Variants in ZDHHC11 observed in about 807,000 individuals in gnomAD.
ZDHHC11 encodes zDHHC palmitoyltransferase 11.
Under a neutral mutation model 51.3 loss-of-function variants are expected in ZDHHC11, and 44 were observed. That is an observed-to-expected ratio of 0.86 (90% CI 0.67 to 1.10). ZDHHC11 has a LOEUF of 1.10. Ranked by LOEUF, ZDHHC11 falls within the 50% of genes least tolerant of loss-of-function variation. The probability of loss-of-function intolerance (pLI) is 0.00; values close to 1 mark genes in which losing one functional copy is unlikely to be tolerated. For missense variants in ZDHHC11, 400 were observed against 537.7 expected (o/e 0.74, Z 2.53); for synonymous variants, 163 against 222.0 (o/e 0.73, Z 2.36).
upstream of ZDHHC11, among the ~76,000 whole-genome samples, chr5:854,155 GGGC>G: frequency 6.7e-6 from 1 of 149,800 alleles, no homozygotes; most frequent in South Asian, 2.1e-4. Context: ...GCGAGCCGGG[GGGC>G]ACAGACCACA....
intron 11 of ZDHHC11, among the ~76,000 whole-genome samples, chr5:812,977 C>G (rs1358265804): frequency 7.1e-6 from 1 of 141,640 alleles, no homozygotes; most frequent in Non-Finnish European, 1.5e-5. Flanking sequence ...CAAACTGATA[C>G]AATTAGCATG....
Position 814,953 on chromosome 5 carries a change from C to A in ZDHHC11, c.1147-158G>T, listed in dbSNP as rs141127015. Among the ~76,000 whole-genome samples the A allele has an allele frequency of 3.4e-3, 518 of 151,248 alleles. 19 individuals are homozygous for A. The highest frequency in any genetic ancestry group is 0.011 in the African/African-American group (458 of 41,322). ...TAGGATCTCAGTGGTGACACAGCAC[C>A]CTTCCTCCCAATCCTTGTATTATGG... On this transcript the variant is annotated intron_variant, in intron 10 of 12. Coordinates refer to ENST00000283441, the MANE Select transcript of ZDHHC11 (RefSeq NM_024786.3).
intron 7 of ZDHHC11, among the ~76,000 whole-genome samples, chr5:830,622 G>GA (rs779220270): frequency 6.3e-5 from 6 of 95,266 alleles, no homozygotes; most frequent in Admixed American, 1.1e-4. Flanking sequence ...CACAGAACTA[G>GA]AAAAAACAAT....
chr5:850,219 G>T, intron 1 of ZDHHC11, 162 bp downstream of exon 1: 1 of 768,514 alleles, frequency 1.3e-6, no homozygotes, highest in Non-Finnish European at 2.1e-6. Context: ...CACAGAGCAT[G>T]AGTGGCCACT....
At chr5:827,334 T>C (rs1290489324) in intron 7 of ZDHHC11, among the ~76,000 whole-genome samples, 1 of 149,948 alleles carries the variant, frequency 6.7e-6, no homozygotes, top group African/African-American at 2.5e-5. Context: ...AAAACCAAGG[T>C]ATTCAGGCAA....
intron 10 of ZDHHC11, among the ~76,000 whole-genome samples, chr5:818,208 T>C (rs1186771480): frequency 6.6e-6 from 1 of 150,948 alleles, no homozygotes; most frequent in South Asian, 2.1e-4. Flanking sequence ...GGACTCACAA[T>C]TGCACCCCGG....
chr5:800,807 TTC>T (rs1238565813), intron 12 of ZDHHC11, among the ~76,000 whole-genome samples: 1 of 151,376 alleles, frequency 6.6e-6, no homozygotes, highest in African/African-American at 2.4e-5. Context: ...GTGAAAATAA[TTC>T]TTAGTTTAGA....
rs1029196784 is a variant in ZDHHC11, at chr5:814,886, A to T, written c.1147-91T>A. The stretch of plus-strand genomic sequence containing the variant: ...TTAAAATTCAAGTTCATTACTAGTC[A>T]GTTCTGAGTAATGGTACTTCAAGAA... On this transcript the variant is annotated intron_variant, in intron 10 of 12. Coordinates refer to ENST00000283441, the MANE Select transcript of ZDHHC11 (RefSeq NM_024786.3). The T allele has an allele frequency of 1.5e-5, 19 of 1,268,968 alleles. No individual in the cohort carries two copies. The African/African-American group carries it at 2.5e-4, about 17-fold the overall frequency. 78.6% of individuals were successfully genotyped at this position (1,268,968 alleles called of 1,614,324 possible). A position where few individuals can be genotyped will look rare whatever the true frequency, so the allele number is the denominator to read the frequency against.
intron 11 of ZDHHC11, among the ~76,000 whole-genome samples, chr5:802,215 C>T (rs1579525997): frequency 6.6e-6 from 1 of 151,044 alleles, no homozygotes; most frequent in East Asian, 1.9e-4. Flanking sequence ...CCATAGGCAA[C>T]AATGGGAGTG....
intron 10 of ZDHHC11, among the ~76,000 whole-genome samples, chr5:815,172 A>G (rs1282764682): frequency 1.3e-5 from 2 of 151,538 alleles, no homozygotes; most frequent in African/African-American, 4.8e-5. Context: ...AAACTGAGGG[A>G]AGACTGGGAG....
chr5:796,921 T>C (rs1358133324), intron 12 of ZDHHC11, among the ~76,000 whole-genome samples: 1 of 152,212 alleles, frequency 6.6e-6, no homozygotes, highest in African/African-American at 2.4e-5. Flanking sequence ...AAAAATATTT[T>C]CTTTGGCCAG....
At position 816,272 on chromosome 5, in the gene ZDHHC11, GATCT is replaced by G. The variant is rs570822459; in HGVS notation, c.1147-1481_1147-1478del. 6.4e-4 allele frequency: 158 copies of G among 246,362 alleles called. 2 individuals carry two copies. Among genetic ancestry groups the G allele is most frequent in the African/African-American group, 3.4e-3 (150 of 44,506 alleles). 15.3% of individuals were successfully genotyped at this position (246,362 alleles called of 1,614,324 possible). A position where few individuals can be genotyped will look rare whatever the true frequency, so the allele number is the denominator to read the frequency against. On this transcript the variant is annotated intron_variant, in intron 10 of 12. Transcript: ENST00000283441. The stretch of plus-strand genomic sequence containing the variant: ...CTTTTTTCGGAAATAATGTTTTTGG[GATCT>G]ATCAAAGAAGACATTGCTTAACAGA...
At chr5:844,855 T>A (rs1745866940) in intron 3 of ZDHHC11, among the ~76,000 whole-genome samples, 1 of 152,422 alleles carries the variant, frequency 6.6e-6, no homozygotes. Context: ...ATGCAGAGAA[T>A]AATCCATCCA....
upstream of ZDHHC11, among the ~76,000 whole-genome samples, chr5:851,848 G>A (rs1342957660): frequency 6.6e-6 from 1 of 152,212 alleles, no homozygotes; most frequent in African/African-American, 2.4e-5. Context: ...CTGAGGTCAG[G>A]AGTTCCAGAC....
At chr5:819,332 C>G (rs1337076316) in intron 10 of ZDHHC11, among the ~76,000 whole-genome samples, 193 bp downstream of exon 10, 1 of 151,572 alleles carries the variant, frequency 6.6e-6, no homozygotes, top group African/African-American at 2.4e-5. Flanking sequence ...TCACCCACAG[C>G]TGGGAAGCAT....
intron 8 of ZDHHC11, chr5:823,539 T>G (rs1190047127): frequency 1.3e-5 from 2 of 153,970 alleles, no homozygotes; most frequent in African/African-American, 4.8e-5. Flanking sequence ...GGCGATGGAC[T>G]GTAGGTCTGT....
intron 8 of ZDHHC11, among the ~76,000 whole-genome samples, chr5:823,148 C>T (rs966409106): frequency 6.0e-5 from 9 of 151,254 alleles, no homozygotes; most frequent in East Asian, 1.9e-4. Context: ...CAAATGTATC[C>T]GTTTTGTGAA....
chr5:851,011 C>A, upstream of ZDHHC11: 1 of 241,486 alleles, frequency 4.1e-6, no homozygotes, highest in Non-Finnish European at 8.0e-6. Context: ...ACCCAGGACT[C>A]CCCAGGTGCA....
At chr5:833,147 G>A (rs372460950) in intron 7 of ZDHHC11, among the ~76,000 whole-genome samples, 7 of 152,262 alleles carry the variant, frequency 4.6e-5, no homozygotes, top group South Asian at 2.1e-4. Flanking sequence ...GAGCGACAGC[G>A]TTGAATGAAG....
Sources: allele counts gnomAD v4.1 joint callset (sites outside exome capture counted in the v4.1 genomes callset), GRCh38; gene constraint gnomAD v4.1.1; transcripts MANE v1.5; gene names NCBI Gene and HGNC (gene_info 2026-07-23, HGNC 2026-07-21).